Variants in LHPP observed in about 807,000 individuals in gnomAD.
LHPP encodes hLHPP.
In LHPP, 24 loss-of-function variants were observed where a neutral mutation model predicts 30.3. The observed-to-expected ratio is 0.79, with a 90% CI of 0.57 to 1.11. The LOEUF is 1.11. LHPP is among the 50% of genes most tolerant of loss of function. The probability of loss-of-function intolerance (pLI) is 0.00; values close to 1 mark genes in which losing one functional copy is unlikely to be tolerated. For synonymous variants in LHPP, 150 were observed against 157.1 expected (o/e 0.95, Z 0.34); for missense variants, 356 against 367.2 (o/e 0.97, Z 0.25).
intron 5 of LHPP, among the ~76,000 whole-genome samples, chr10:124,515,145 C>T (rs1273601603): frequency 6.6e-6 from 1 of 152,174 alleles, no homozygotes; most frequent in Non-Finnish European, 1.5e-5. Context: ...CATCAGGCCG[C>T]TTGAAGTTGT....
At chr10:124,473,840 A>G (rs1017345823) in intron 1 of LHPP, among the ~76,000 whole-genome samples, 21 of 152,128 alleles carry the variant, frequency 1.4e-4, no homozygotes, top group African/African-American at 2.9e-4. Flanking sequence ...TCTAATACCA[A>G]CTACTCAGGA....
chr10:124,502,667 CTTTTTTT>C (rs1190430106), intron 5 of LHPP, among the ~76,000 whole-genome samples: 3,586 of 71,410 alleles, frequency 0.05, 119 homozygotes, highest in African/African-American at 0.15. Context: ...CACGCCCAGC[CTTTTTTT>C]TTTTTTTTTT....
At chr10:124,580,661 TTTA>T (rs1948731194) in intron 6 of LHPP, among the ~76,000 whole-genome samples, 1 of 152,182 alleles carries the variant, frequency 6.6e-6, no homozygotes, top group African/African-American at 2.4e-5. Flanking sequence ...AATTAATGTT[TTTA>T]TTATATTCAT....
chr10:124,475,760 T>C (rs1418022976), intron 1 of LHPP, among the ~76,000 whole-genome samples: 1 of 151,994 alleles, frequency 6.6e-6, no homozygotes, highest in Non-Finnish European at 1.5e-5. Flanking sequence ...ACCATGGCCC[T>C]CAGGGACGTC....
intron 5 of LHPP, among the ~76,000 whole-genome samples, chr10:124,503,752 T>C (rs1365142807): frequency 1.3e-5 from 2 of 150,494 alleles, no homozygotes; most frequent in Admixed American, 1.3e-4. Flanking sequence ...ATAAATATTA[T>C]AGCTTTTTTT....
chr10:124,565,448 G>C (rs970062671), intron 6 of LHPP, among the ~76,000 whole-genome samples: 11 of 152,128 alleles, frequency 7.2e-5, no homozygotes, highest in African/African-American at 2.7e-4. Flanking sequence ...TTGAGGATTA[G>C]GTTTAGTTTG....
intron 6 of LHPP, among the ~76,000 whole-genome samples, chr10:124,538,133 A>G (rs71488608): frequency 0.11 from 16,608 of 149,072 alleles, 1,272 homozygotes; most frequent in Non-Finnish European, 0.15. Flanking sequence ...GGGTCACCAC[A>G]CGAGTCTCAC....
chr10:124,490,583 G>T, intron 3 of LHPP: 1 of 288,322 alleles, frequency 3.5e-6, no homozygotes, highest in South Asian at 3.7e-5. Flanking sequence ...CAACATCTCT[G>T]CAGCTGTAGG....
At chr10:124,536,523 T>C (rs1257154138) in intron 6 of LHPP, among the ~76,000 whole-genome samples, 1 of 152,152 alleles carries the variant, frequency 6.6e-6, no homozygotes, top group South Asian at 2.1e-4. Flanking sequence ...AGGCCAAGGC[T>C]TTGGGCTCCA....
chr10:124,529,813 G>A lies in LHPP; in HGVS notation c.716+12542G>A, dbSNP rs4998789. On this transcript the variant is annotated intron_variant, in intron 6 of 6. Transcript: ENST00000368842. ...CATGCACATACACACACACACACAC[G>A]CACACACACACACACACACATGCGC... 5.8e-4 allele frequency among the ~76,000 whole-genome samples: 86 copies of A among 147,138 alleles called. 1 individual carries two copies. The highest frequency in any genetic ancestry group is 5.1e-3 in the East Asian group (25 of 4,860).
chr10:124,576,815 C>T lies in LHPP; in HGVS notation c.717-36449C>T, dbSNP rs12779227. Among the ~76,000 whole-genome samples the T allele has an allele frequency of 0.13, 20,204 of 151,804 alleles. 1,806 individuals carry two copies. The highest frequency in any genetic ancestry group is 0.2 in the Non-Finnish European group (13,323 of 67,868). On this transcript the variant is annotated intron_variant, in intron 6 of 6. Coordinates refer to ENST00000368842, the MANE Select transcript of LHPP (RefSeq NM_022126.4). The surrounding 1 kb of genome is among the most constrained non-coding windows in gnomAD (Gnocchi z 4.2). ...AAAGCCCTGCCCTCGTGCACCTGTC[C>T]TTCCGTAGCCCACGATACCTCATCC...
chr10:124,579,659 G>T (rs1413304872), intron 6 of LHPP, among the ~76,000 whole-genome samples: 2 of 152,198 alleles, frequency 1.3e-5, no homozygotes, highest in African/African-American at 4.8e-5. Context: ...TCACCTTGGG[G>T]AGTTTGTTAA....
intron 6 of LHPP, among the ~76,000 whole-genome samples, chr10:124,583,109 ATGT>A (rs1234906917): frequency 1.3e-5 from 2 of 152,062 alleles, no homozygotes; most frequent in African/African-American, 2.4e-5. Context: ...CATTTTCTTG[ATGT>A]TGTTTTTTAA....
chr10:124,575,663 G>C (rs1354791665), intron 6 of LHPP, among the ~76,000 whole-genome samples: 1 of 152,116 alleles, frequency 6.6e-6, no homozygotes, highest in South Asian at 2.1e-4. Context: ...GCTGGCCCTT[G>C]TGTCTGTCTT....
At chr10:124,504,581 C>T (rs1954007702) in intron 5 of LHPP, among the ~76,000 whole-genome samples, 1 of 144,406 alleles carries the variant, frequency 6.9e-6, no homozygotes, top group Admixed American at 7.0e-5. Flanking sequence ...GCCTGGGCAA[C>T]TGAGCGAGAC....
chr10:124,499,366 C>T (rs900664630), intron 5 of LHPP, among the ~76,000 whole-genome samples: 4 of 151,408 alleles, frequency 2.6e-5, no homozygotes, highest in African/African-American at 7.3e-5. Flanking sequence ...AGTGGGCAGC[C>T]GGCATGGAGG....
intron 2 of LHPP, among the ~76,000 whole-genome samples, chr10:124,485,771 T>G (rs555429783): frequency 2.5e-4 from 38 of 152,188 alleles, no homozygotes; most frequent in African/African-American, 8.2e-4. Flanking sequence ...CGCCTAATTT[T>G]TGTATTTTTA....
intron 1 of LHPP, among the ~76,000 whole-genome samples, chr10:124,474,641 TAAACCACAGGTCCCATCTCC>T (rs1952886754): frequency 1.3e-5 from 2 of 151,984 alleles, no homozygotes; most frequent in South Asian, 2.1e-4. Flanking sequence ...GTCCCATCTC[TAAACCACAGGTCCCATCTCC>T]AAACCACAGG....
At chr10:124,604,001 G>T (rs961548718) in intron 6 of LHPP, among the ~76,000 whole-genome samples, 25 of 152,364 alleles carry the variant, frequency 1.6e-4, no homozygotes, top group African/African-American at 5.8e-4. Flanking sequence ...GCAGGGACCA[G>T]GTCAGAGTCC....
Sources: allele counts gnomAD v4.1 joint callset (sites outside exome capture counted in the v4.1 genomes callset), GRCh38; gene constraint gnomAD v4.1.1; non-coding constraint Gnocchi (gnomAD v3.1); transcripts MANE v1.5; gene names NCBI Gene and HGNC (gene_info 2026-07-23, HGNC 2026-07-21).